MED12L: variants seen among roughly 807,000 people sequenced by gnomAD.
MED12L encodes the protein mediator of RNA polymerase II transcription subunit 12-like protein.
A neutral mutation model predicts 281.3 loss-of-function variants in MED12L; 60 were observed. The ratio of observed to expected loss-of-function variants is 0.21; its 90% CI spans 0.17 to 0.26. MED12L has a LOEUF of 0.26. Ranked by LOEUF, MED12L falls within the 10% of genes least tolerant of loss-of-function variation. The probability of loss-of-function intolerance (pLI) is 1.00; values close to 1 mark genes in which losing one functional copy is unlikely to be tolerated. For synonymous variants in MED12L, 974 were observed against 987.2 expected (o/e 0.99, Z 0.25); for missense variants, 2,146 against 2,680.9 (o/e 0.80, Z 4.41).
chr3:151,094,183 G>A (rs1193112050), intron 2 of MED12L, among the ~76,000 whole-genome samples: 1 of 152,196 alleles, frequency 6.6e-6, no homozygotes, highest in Non-Finnish European at 1.5e-5. Flanking sequence ...AAAAGCAGAA[G>A]TAGAAGCATA....
chr3:151,287,327 C>T (rs1487748598), intron 16 of MED12L, among the ~76,000 whole-genome samples: 1 of 152,086 alleles, frequency 6.6e-6, no homozygotes, highest in African/African-American at 2.4e-5. Context: ...TCCATGAGAC[C>T]AGACTTGCTA....
At chr3:151,148,067 C>T (rs1446654582) in intron 5 of MED12L, among the ~76,000 whole-genome samples, 2 of 152,120 alleles carry the variant, frequency 1.3e-5, no homozygotes, top group Non-Finnish European at 2.9e-5. Flanking sequence ...GCTGTCCTAG[C>T]GGTATTTCAT....
chr3:151,256,557 T>C (rs1737844536), intron 16 of MED12L, among the ~76,000 whole-genome samples: 1 of 152,200 alleles, frequency 6.6e-6, no homozygotes, highest in African/African-American at 2.4e-5. Context: ...TGCTATTTTT[T>C]TCCTAATGTA....
At chr3:151,145,972 C>T (rs748705413) in intron 5 of MED12L, among the ~76,000 whole-genome samples, 40 of 152,304 alleles carry the variant, frequency 2.6e-4, no homozygotes, top group Admixed American at 3.3e-4. Context: ...CTACAACTTC[C>T]TGAGAAATAG....
intron 31 of MED12L, among the ~76,000 whole-genome samples, 188 bp downstream of exon 31, chr3:151,378,361 A>G (rs1711593814): frequency 6.6e-6 from 1 of 152,198 alleles, no homozygotes; most frequent in Admixed American, 6.5e-5. Flanking sequence ...TCCTTAATAC[A>G]TTAGTTCTCA....
chr3:151,193,787 A>G, intron 16 of MED12L, 121 bp downstream of exon 16: 2 of 828,646 alleles, frequency 2.4e-6, no homozygotes, highest in Non-Finnish European at 3.7e-6. Context: ...AGTTTTTTGC[A>G]TTTGCTCCTG....
At chr3:151,292,533 A>G (rs1394726482) in intron 16 of MED12L, among the ~76,000 whole-genome samples, 2 of 148,362 alleles carry the variant, frequency 1.3e-5, no homozygotes, top group East Asian at 4.0e-4. Context: ...GGCTTCCCTA[A>G]GTGCTGGGAT....
Position 151,086,948 on chromosome 3 carries a change from A to G in MED12L, c.22A>G (p.Ser8Gly). Reference protein sequence around the residue: MAAFGLLSYEQRPLKRPR... With the variant: MAAFGLLGYEQRPLKRPR... ...GATCATGGCCGCCTTCGGGCTTCTCAGCTATGAGCAGAGACCGCTGAAGCG... is the reference window on the plus strand; with the variant it reads ...GATCATGGCCGCCTTCGGGCTTCTCGGCTATGAGCAGAGACCGCTGAAGCG... The change falls in exon 2 of 45, where the codon AGC becomes GGC. Residue 8 changes from serine (S) to glycine (G), a missense_variant. By Grantham distance (56) the Ser-to-Gly change is moderately conservative. Around this residue, in one of 9 missense-constraint regions of MED12L, gnomAD observed 44 missense variants for 39.7 expected, o/e 1.11. Transcript: ENST00000687756. 6.2e-7 allele frequency: 1 copy of G among 1,606,010 alleles called. No individual in the cohort carries two copies. Among genetic ancestry groups the G allele is most frequent in the Non-Finnish European group, 8.5e-7 (1 of 1,177,004 alleles).
intron 16 of MED12L, among the ~76,000 whole-genome samples, chr3:151,211,122 G>GTAACTA (rs2149206571): frequency 6.6e-6 from 1 of 152,348 alleles, no homozygotes; most frequent in South Asian, 2.1e-4. Flanking sequence ...CTAATAGGTA[G>GTAACTA]TAACTATTAC....
chr3:151,119,359 G>A (rs947520715), intron 3 of MED12L, among the ~76,000 whole-genome samples: 4 of 152,208 alleles, frequency 2.6e-5, no homozygotes, highest in African/African-American at 9.7e-5. Flanking sequence ...TCTGAAGGCT[G>A]GAAGTCCAAG....
At chr3:151,128,084 GA>G (rs1454405585) in intron 5 of MED12L, 100 bp downstream of exon 5, 19 of 1,074,140 alleles carry the variant, frequency 1.8e-5, no homozygotes, top group Non-Finnish European at 1.9e-5. Flanking sequence ...TGAGTGTTGA[GA>G]AGGTCCGTGG....
intron 16 of MED12L, among the ~76,000 whole-genome samples, chr3:151,332,910 A>G (rs1302155127): frequency 2.0e-5 from 3 of 152,054 alleles, no homozygotes; most frequent in East Asian, 3.9e-4. Context: ...ACTACCCTCA[A>G]TGTAGGCCCT....
At chr3:151,145,519 A>G (rs964894844) in intron 5 of MED12L, among the ~76,000 whole-genome samples, 6 of 152,230 alleles carry the variant, frequency 3.9e-5, no homozygotes, top group African/African-American at 1.4e-4. Context: ...GGCGTATTCA[A>G]AACTAAACTG....
intron 16 of MED12L, among the ~76,000 whole-genome samples, chr3:151,273,402 ATTTT>A (rs531443713): frequency 8.8e-6 from 1 of 113,672 alleles, no homozygotes; most frequent in African/African-American, 3.4e-5. Flanking sequence ...TAATTTTTGT[ATTTT>A]TTTTTTTTTT....
rs537632242 is a variant in MED12L at position 151,339,736 on chromosome 3, G to A, written c.2251-10323G>A. Among the ~76,000 whole-genome samples, 6 of 152,194 alleles carry A rather than the reference G, an allele frequency of 3.9e-5. No homozygotes were observed. The East Asian group carries it at 1.2e-3, about 29-fold the overall frequency. On this transcript the variant is annotated intron_variant, in intron 16 of 44. Coordinates refer to ENST00000687756, the MANE Select transcript of MED12L (RefSeq NM_001393769.1). Reference sequence around the variant, plus strand: ...GGCATACTTTCCAGATTTATGGAGTGTGTAATGGTAGCTAAAATAAAATAT... The same window carrying A: ...GGCATACTTTCCAGATTTATGGAGTATGTAATGGTAGCTAAAATAAAATAT...
intron 21 of MED12L, among the ~76,000 whole-genome samples, chr3:151,363,375 A>G (rs569614841): frequency 6.6e-6 from 1 of 152,306 alleles, no homozygotes; most frequent in Non-Finnish European, 1.5e-5. Flanking sequence ...ACCACCATTC[A>G]TAAAGTTGTG....
intron 16 of MED12L, among the ~76,000 whole-genome samples, chr3:151,286,506 T>G (rs1743524648): frequency 6.6e-6 from 1 of 152,158 alleles, no homozygotes; most frequent in African/African-American, 2.4e-5. Flanking sequence ...TTAGGAAGCA[T>G]CCATGAGAGA....
At chr3:151,247,728 A>T (rs1425765179) in intron 16 of MED12L, among the ~76,000 whole-genome samples, 15 of 148,654 alleles carry the variant, frequency 1.0e-4, no homozygotes, top group South Asian at 4.4e-4. Flanking sequence ...AACCTGCACA[A>T]TGTGCACATG....
chr3:151,232,381 A>G (rs1272710878), intron 16 of MED12L, among the ~76,000 whole-genome samples: 1 of 152,172 alleles, frequency 6.6e-6, no homozygotes, highest in East Asian at 1.9e-4. Flanking sequence ...AACGATAGCC[A>G]TTCTGATTGG....
Sources: allele counts gnomAD v4.1 joint callset (sites outside exome capture counted in the v4.1 genomes callset), GRCh38; gene constraint gnomAD v4.1.1; regional missense constraint gnomAD v4.1.1; transcripts MANE v1.5; gene names NCBI Gene and HGNC (gene_info 2026-07-23, HGNC 2026-07-21).